XPA: variants seen among roughly 807,000 people sequenced by gnomAD.
The protein encoded by XPA is DNA repair protein complementing XP-A cells.
In XPA, 27 loss-of-function variants were observed where a neutral mutation model predicts 35.7. The observed-to-expected ratio is 0.76, with a 90% CI of 0.56 to 1.04. The LOEUF is 1.04. Among genes scored for constraint, XPA ranks in the 50% least tolerant of loss-of-function variants. The pLI is 0.00. For synonymous variants in XPA, 133 were observed against 118.4 expected, an observed-to-expected ratio of 1.12 and a Z score of -0.80; for missense variants, 354 against 342.7, an observed-to-expected ratio of 1.03 and a Z score of -0.26.
At chr9:97,665,493 G>C in the XPA span, among the ~76,000 whole-genome samples, 2 of 152,292 alleles carry the variant, frequency 1.3e-5, no homozygotes, top group East Asian at 3.9e-4. Context: ...AATCTGTATA[G>C]TGCTCAACAG....
intron 5 of XPA, among the ~76,000 whole-genome samples, chr9:97,681,720 C>T (rs1828548076): frequency 6.6e-6 from 1 of 152,096 alleles, no homozygotes; most frequent in South Asian, 2.1e-4. Flanking sequence ...CCTGTGCATC[C>T]TGAAGTTTTG....
chr9:97,696,281 C>T (rs3176637), intron 1 of XPA, among the ~76,000 whole-genome samples: 17,978 of 152,196 alleles, frequency 0.12, 3,014 homozygotes, highest in African/African-American at 0.37. Flanking sequence ...GTTATAGAGG[C>T]AGCCCTGAAG....
chr9:97,687,185 C>G lies in XPA; in HGVS notation c.466G>C (p.Glu156Gln), dbSNP rs774834822. Residue 156 changes from glutamate to glutamine, a missense_variant, in exon 4 of 6, where the codon GAA becomes CAA. By Grantham distance (29) the Glu-to-Gln change is conservative. Transcript: ENST00000375128. ...QEYLLKDCDLEKREPPLKFIV... is the reference protein window; with the variant it reads ...QEYLLKDCDLQKREPPLKFIV... ...AATTTAAGAGGTGGCTCTCTTTTTT[C>G]TAAATCACAGTCTTTCAGAAGATAT... 4 of 1,611,994 alleles carry G rather than the reference C, an allele frequency of 2.5e-6. No individual in the cohort carries two copies. Among genetic ancestry groups the G allele is most frequent in the Non-Finnish European group, 3.4e-6 (4 of 1,179,364 alleles).
At chr9:97,663,259 A>G in the XPA span, among the ~76,000 whole-genome samples, 4 of 152,176 alleles carry the variant, frequency 2.6e-5, no homozygotes, top group Admixed American at 2.6e-4. Context: ...TTGAACTATA[A>G]TATCTCAATA....
the XPA span, chr9:97,655,898 A>G: frequency 3.0e-6 from 4 of 1,331,810 alleles, no homozygotes; most frequent in South Asian, 1.3e-5. Context: ...TACAAGTGCA[A>G]TTATAACTTA....
rs144191563 is a variant in XPA at position 97,687,868 on chromosome 9, A to G, written c.390-607T>C. 5.9e-5 allele frequency among the ~76,000 whole-genome samples: 9 copies of G among 152,278 alleles called. No homozygotes were observed. The East Asian group carries it at 1.7e-3, about 29-fold the overall frequency. On this transcript the variant is annotated intron_variant, in intron 3 of 5. Coordinates refer to ENST00000375128, the MANE Select transcript of XPA (RefSeq NM_000380.4). ...CTAGAGCCAAACAGGTTTGGAATTAATACACACAGGAGAGTGGAGACATAG... is the reference window on the plus strand; with the variant it reads ...CTAGAGCCAAACAGGTTTGGAATTAGTACACACAGGAGAGTGGAGACATAG...
intron 5 of XPA, among the ~76,000 whole-genome samples, chr9:97,678,985 G>C (rs1423054994): frequency 6.6e-6 from 1 of 152,160 alleles, no homozygotes; most frequent in Non-Finnish European, 1.5e-5. Flanking sequence ...GAAAAGTTTA[G>C]AAAGACTTGG....
At chr9:97,664,858 T>C in the XPA span, among the ~76,000 whole-genome samples, 2 of 152,154 alleles carry the variant, frequency 1.3e-5, no homozygotes, top group Admixed American at 6.5e-5. Flanking sequence ...GAGTAAATCA[T>C]GGAGGGATCC....
At chr9:97,656,048 C>T in the XPA span, 3 of 1,614,070 alleles carry the variant, frequency 1.9e-6, no homozygotes, top group Admixed American at 5.0e-5. Context: ...AAGTCCCAAA[C>T]CGAAGTTTGT....
the XPA span, chr9:97,667,022 TGCAGAA>T: frequency 3.7e-4 from 221 of 593,110 alleles, no homozygotes; most frequent in African/African-American, 3.6e-3. Context: ...CCCAATTTAA[TGCAGAA>T]GCAGAAGAGG....
At chr9:97,693,902 T>C in intron 1 of XPA, 143 bp from the exon 2 acceptor site, 1 of 797,258 alleles carries the variant, frequency 1.3e-6, no homozygotes, top group Non-Finnish European at 2.0e-6. Flanking sequence ...TTCAACATTA[T>C]ACTGAAGGTC....
At chr9:97,658,714 G>A in the XPA span, 1 of 1,610,946 alleles carries the variant, frequency 6.2e-7, no homozygotes, top group Non-Finnish European at 8.5e-7. Context: ...AACCCAACCT[G>A]CATTTACAAG....
Position 97,684,980 on chromosome 9 carries a change from C to A in XPA, c.616G>T (p.Val206Phe). 6.2e-7 allele frequency: 1 copy of A among 1,613,548 alleles called. No individual in the cohort carries two copies. Among genetic ancestry groups the A allele is most frequent in the Non-Finnish European group, 8.5e-7 (1 of 1,179,828 alleles). Residue 206 changes from valine to phenylalanine, a missense_variant, in exon 5 of 6, where the codon GTC becomes TTC. Physicochemically the swap from Val to Phe is conservative, Grantham distance 50. Coordinates refer to ENST00000375128, the MANE Select transcript of XPA (RefSeq NM_000380.4). The part of the protein sequence containing the change: ...SQEALEEAKE[V>F]RQENREKMKQ... ...ATTTTTTCTCGGTTTTCCTGTCGGACTTCCTTTGCTTCTTCTAATGCTTCT... is the reference window on the plus strand; with the variant it reads ...ATTTTTTCTCGGTTTTCCTGTCGGAATTCCTTTGCTTCTTCTAATGCTTCT...
intron 3 of XPA, among the ~76,000 whole-genome samples, chr9:97,688,028 C>T (rs975840019): frequency 6.6e-6 from 1 of 152,082 alleles, no homozygotes; most frequent in Non-Finnish European, 1.5e-5. Context: ...AAGAGCTATA[C>T]AAAAGCTAAA....
intron 4 of XPA, among the ~76,000 whole-genome samples, chr9:97,686,496 T>C (rs975124112): frequency 3.9e-5 from 6 of 152,226 alleles, no homozygotes; most frequent in Non-Finnish European, 5.9e-5. Flanking sequence ...TTTTAAAATA[T>C]TTCTTTTTTG....
chr9:97,690,491 G>A (rs1485971818), intron 2 of XPA, among the ~76,000 whole-genome samples: 1 of 152,200 alleles, frequency 6.6e-6, no homozygotes, highest in Non-Finnish European at 1.5e-5. Flanking sequence ...GGGTTCAAGC[G>A]ATTCTCCTGC....
the XPA span, chr9:97,668,743 A>C: frequency 7.7e-7 from 1 of 1,300,980 alleles, no homozygotes; most frequent in Non-Finnish European, 1.0e-6. Flanking sequence ...ATAGAATATA[A>C]GTCTTAACAT....
the XPA span, among the ~76,000 whole-genome samples, chr9:97,666,409 T>C: frequency 0.014 from 2,134 of 152,332 alleles, 103 homozygotes; most frequent in East Asian, 0.13. Context: ...CTACACATAA[T>C]GTTTACATTT....
intron 5 of XPA, among the ~76,000 whole-genome samples, chr9:97,676,225 C>T (rs758859254): frequency 5.9e-5 from 9 of 152,190 alleles, no homozygotes; most frequent in Admixed American, 2.0e-4. Flanking sequence ...TTTGATTTTA[C>T]TTCACTTTAT....
Sources: gnomAD v4.1 joint callset for allele counts (sites outside exome capture counted in the v4.1 genomes callset) on GRCh38, gnomAD v4.1.1 for gene constraint, MANE v1.5 for transcripts, NCBI Gene and HGNC (gene_info 2026-07-23, HGNC 2026-07-21) for gene names.